The following NF2 variants were observed in gnomAD, a reference collection of about 807,000 sequenced individuals.
The protein encoded by NF2 is merlin.
A neutral mutation model predicts 83.7 loss-of-function variants in NF2; 8 were observed. That is an observed-to-expected ratio of 0.10 (90% confidence interval 0.06 to 0.17). The LOEUF is 0.17. Ranked by LOEUF, NF2 falls within the 10% of genes least tolerant of loss-of-function variation. The probability of loss-of-function intolerance (pLI) is 1.00; values close to 1 mark genes in which losing one functional copy is unlikely to be tolerated. For missense variants in NF2, 533 were observed against 744.4 expected (o/e 0.72, Z 3.31); for synonymous variants, 266 against 269.6 (o/e 0.99, Z 0.13).
rs778469232 is a variant in NF2, at chr22:29,642,243, T to C, written c.405T>C (p.Pro135=). The C allele has an allele frequency of 1.2e-6, 2 of 1,614,086 alleles. No homozygotes were observed. Among genetic ancestry groups the C allele is most frequent in the Non-Finnish European group, 1.7e-6 (2 of 1,179,922 alleles). The change falls in exon 4 of 16, where the codon CCT becomes CCC. Residue 135 remains proline, a synonymous_variant. Transcript: ENST00000338641. ...QILDEKIYCP[P]EASVLLASYA... ...TAGATGAAAAGATCTACTGCCCTCCTGAGGCTTCTGTGCTCCTGGCTTCTT... is the reference window on the plus strand; with the variant it reads ...TAGATGAAAAGATCTACTGCCCTCCCGAGGCTTCTGTGCTCCTGGCTTCTT...
At chr22:29,693,012 C>T (rs2067448977) in intron 15 of NF2, among the ~76,000 whole-genome samples, 1 of 152,240 alleles carries the variant, frequency 6.6e-6, no homozygotes, top group African/African-American at 2.4e-5. Context: ...GTGCCTGTAT[C>T]TGACTCAAAG....
At chr22:29,623,721 T>C (rs902397450) in intron 1 of NF2, among the ~76,000 whole-genome samples, 3 of 152,154 alleles carry the variant, frequency 2.0e-5, no homozygotes, top group African/African-American at 7.2e-5. Flanking sequence ...CACTTTCTCT[T>C]GTCTGGTTCC....
chr22:29,632,419 G>T (rs2065539120), intron 1 of NF2, among the ~76,000 whole-genome samples: 1 of 152,172 alleles, frequency 6.6e-6, no homozygotes, highest in Non-Finnish European at 1.5e-5. Context: ...AGGATAGGAG[G>T]TTCCCACAGC....
chr22:29,669,850 T>G (rs1302492769), intron 10 of NF2, among the ~76,000 whole-genome samples: 1 of 152,234 alleles, frequency 6.6e-6, no homozygotes, highest in African/African-American at 2.4e-5. Context: ...CAGGTGAAAC[T>G]AATGATATAC....
At chr22:29,677,413 T>C (rs1458789487) in intron 13 of NF2, among the ~76,000 whole-genome samples, 1 of 151,726 alleles carries the variant, frequency 6.6e-6, no homozygotes, top group African/African-American at 2.4e-5. Context: ...CAATACTGTC[T>C]GTGACTTAGT....
At chr22:29,635,366 G>T (rs1197949672) in intron 1 of NF2, among the ~76,000 whole-genome samples, 2 of 152,090 alleles carry the variant, frequency 1.3e-5, no homozygotes, top group African/African-American at 4.8e-5. Context: ...GTCTTGCTTT[G>T]TCGCCAGGCT....
rs1468369883 is a variant in NF2, at chr22:29,695,868, C to T, written c.*1066C>T. On this transcript the variant is annotated 3_prime_UTR_variant, in exon 16 of 16. Coordinates refer to ENST00000338641, the MANE Select transcript of NF2 (RefSeq NM_000268.4). This position sits in a 1 kb window ranked among gnomAD's most constrained non-coding sequence, Gnocchi z 5.4. Reference sequence around the variant, plus strand: ...CTTTGCTGTTGCCCTTGTCCCTCTTCGGGCCCTGAATTTTCTGTTCCCTGG... The same window carrying T: ...CTTTGCTGTTGCCCTTGTCCCTCTTTGGGCCCTGAATTTTCTGTTCCCTGG... The T allele has an allele frequency of 8.1e-5, 19 of 233,460 alleles. No homozygotes were observed. The highest frequency in any genetic ancestry group is 5.9e-5 in the Non-Finnish European group (7 of 118,230). The allele number at this position is 233,460 out of a possible 1,614,324, so 14.5% of individuals were successfully genotyped here.
chr22:29,683,788 A>G (rs2067209840), intron 15 of NF2: 1 of 1,062,728 alleles, frequency 9.4e-7, no homozygotes, highest in South Asian at 4.6e-5. Context: ...AGGAGCGGTC[A>G]CTGGTTGCTG....
chr22:29,682,552 T>C (rs1196804458), intron 15 of NF2, among the ~76,000 whole-genome samples: 1 of 152,226 alleles, frequency 6.6e-6, no homozygotes, highest in Non-Finnish European at 1.5e-5. Flanking sequence ...TTCCTTTTAA[T>C]AGTGCAACCT....
At chr22:29,656,634 G>A (rs988550080) in intron 6 of NF2, among the ~76,000 whole-genome samples, 12 of 151,544 alleles carry the variant, frequency 7.9e-5, no homozygotes, top group African/African-American at 2.9e-4. Flanking sequence ...GGATGGTCTC[G>A]ATCTCCTGAC....
intron 13 of NF2, among the ~76,000 whole-genome samples, chr22:29,677,901 G>A (rs1441914716): frequency 6.6e-6 from 1 of 152,226 alleles, no homozygotes; most frequent in Non-Finnish European, 1.5e-5. Context: ...GGGCCTGGGA[G>A]TTTCCTAAAT....
chr22:29,609,174 TA>T, intron 1 of NF2: 1 of 747,964 alleles, frequency 1.3e-6, no homozygotes. Context: ...GGCCTTGCCA[TA>T]AAACCAGGAA....
In NF2 at chr22:29,687,225, G is replaced by C. The variant is rs117105323; in HGVS notation, c.1737+5624G>C. ...GGAAATTGACGGATGAGAAATCATG[G>C]GGGTGGTGGAGCTTAGAAAGCTTAT... On this transcript the variant is annotated intron_variant, in intron 15 of 15. Coordinates refer to ENST00000338641, the MANE Select transcript of NF2 (RefSeq NM_000268.4). 8.8e-3 allele frequency among the ~76,000 whole-genome samples: 1,341 copies of C among 152,324 alleles called. 10 individuals carry two copies. The highest frequency in any genetic ancestry group is 0.015 in the Non-Finnish European group (1,025 of 68,032).
At chr22:29,681,325 AC>A (rs1209394188) in intron 14 of NF2, 113 bp from the exon 15 acceptor site, 2 of 1,293,838 alleles carry the variant, frequency 1.5e-6, no homozygotes, top group Non-Finnish European at 2.2e-6. Flanking sequence ...AGAGACGTGA[AC>A]CCCAGGCCTC....
intron 1 of NF2, among the ~76,000 whole-genome samples, chr22:29,605,430 T>C (rs1257635784): frequency 6.6e-6 from 1 of 152,032 alleles, no homozygotes; most frequent in Non-Finnish European, 1.5e-5. Flanking sequence ...CCCAAAGTGG[T>C]GGGAAAGTGG....
intron 1 of NF2, among the ~76,000 whole-genome samples, chr22:29,630,652 G>A (rs140747555): frequency 1.3e-5 from 2 of 152,212 alleles, no homozygotes; most frequent in East Asian, 1.9e-4. Context: ...TCTTCTTCCC[G>A]CAAGTCACCT....
chr22:29,666,421 G>A (rs868354422), intron 9 of NF2, among the ~76,000 whole-genome samples: 2 of 152,216 alleles, frequency 1.3e-5, no homozygotes, highest in Middle Eastern at 6.8e-3. Flanking sequence ...TTACAGGCGT[G>A]AGCCACTGCA....
At chr22:29,646,883 A>C (rs1172399942) in intron 4 of NF2, among the ~76,000 whole-genome samples, 1 of 152,124 alleles carries the variant, frequency 6.6e-6, no homozygotes, top group East Asian at 1.9e-4. Context: ...ATCTCTACTA[A>C]AAATACAAAA....
At chr22:29,616,284 ATTATACACT>A (rs1024782791) in intron 1 of NF2, among the ~76,000 whole-genome samples, 10 of 152,206 alleles carry the variant, frequency 6.6e-5, no homozygotes, top group African/African-American at 2.4e-4. Context: ...AAACTACTGA[ATTATACACT>A]TTAAATGGGT....
Sources: allele counts gnomAD v4.1 joint callset (sites outside exome capture counted in the v4.1 genomes callset), GRCh38; gene constraint gnomAD v4.1.1; non-coding constraint Gnocchi (gnomAD v3.1); transcripts MANE v1.5; gene names NCBI Gene and HGNC (gene_info 2026-07-23, HGNC 2026-07-21).